CTNND1: variants seen among roughly 807,000 people sequenced by gnomAD.
CTNND1 encodes the protein catenin delta-1.
Under a neutral mutation model 112.1 loss-of-function variants are expected in CTNND1, and 16 were observed. The ratio of observed to expected loss-of-function variants is 0.14; its 90% CI spans 0.10 to 0.22. CTNND1 has a LOEUF of 0.22. Ranked by LOEUF, CTNND1 falls within the 10% of genes least tolerant of loss-of-function variation. The pLI is 1.00. For synonymous variants in CTNND1, 420 were observed against 446.5 expected, an observed-to-expected ratio of 0.94 and a Z score of 0.75; for missense variants, 1,008 against 1,257.0, an observed-to-expected ratio of 0.80 and a Z score of 3.00.
chr11:57,810,247 A>G, intron 16 of CTNND1, 24 bp downstream of exon 16: 1 of 1,534,806 alleles, frequency 6.5e-7, no homozygotes, highest in Non-Finnish European at 8.8e-7. Flanking sequence ...TGAGACCAAG[A>G]CTTTTACTTT....
rs2064060566 is a variant in CTNND1 at position 57,817,874 on chromosome 11, C to T, written c.*1566C>T. On this transcript the variant is annotated 3_prime_UTR_variant, in exon 21 of 21. Coordinates refer to ENST00000399050, the MANE Select transcript of CTNND1 (RefSeq NM_001085458.2). ...ATTTCTAATCCTTTTCCTTATTTGC[C>T]TTCTACTCCCCTTAATCTAATCTAA... 1 of 152,408 alleles carries T rather than the reference C, an allele frequency of 6.6e-6. No individual in the cohort carries two copies. The highest frequency in any genetic ancestry group is 1.5e-5 in the Non-Finnish European group (1 of 68,020). The allele number at this position is 152,408 out of a possible 1,614,324, so 9.4% of individuals were successfully genotyped here.
intron 6 of CTNND1, among the ~76,000 whole-genome samples, chr11:57,800,879 AG>A (rs1240691601): frequency 6.6e-6 from 1 of 152,246 alleles, no homozygotes; most frequent in Non-Finnish European, 1.5e-5. Flanking sequence ...GGTTGTTGGT[AG>A]TACTGAAACA....
intron 1 of CTNND1, among the ~76,000 whole-genome samples, chr11:57,768,935 ACC>A (rs1250431909): frequency 6.6e-6 from 1 of 151,428 alleles, no homozygotes; most frequent in Non-Finnish European, 1.5e-5. Context: ...ATACTTAAGA[ACC>A]CATGAAACTA....
intron 6 of CTNND1, among the ~76,000 whole-genome samples, chr11:57,797,477 C>T (rs1056539916): frequency 1.4e-5 from 2 of 145,956 alleles, no homozygotes; most frequent in East Asian, 2.1e-4. Context: ...GTGATCCACC[C>T]GCCTTGGCCT....
chr11:57,799,675 A>G lies in CTNND1; in HGVS notation c.957-2058A>G, dbSNP rs1000692799. On this transcript the variant is annotated intron_variant, in intron 6 of 20. Transcript: ENST00000399050. ...AAACAAAGGAAAGAATGTCCAATCC[A>G]CTGCCTTTGTATAGAAAAGGATATA... 2.0e-5 allele frequency among the ~76,000 whole-genome samples: 3 copies of G among 152,214 alleles called. No homozygotes were observed. The South Asian group carries it at 6.2e-4, about 31-fold the overall frequency.
At chr11:57,769,883 T>G (rs1952116651) in intron 1 of CTNND1, among the ~76,000 whole-genome samples, 1 of 152,198 alleles carries the variant, frequency 6.6e-6, no homozygotes, top group South Asian at 2.1e-4. Flanking sequence ...CATCTGCATT[T>G]CTTGATTAAT....
intron 19 of CTNND1, 174 bp from the exon 20 acceptor site, chr11:57,815,738 TCTA>T: frequency 1.3e-6 from 1 of 771,642 alleles, no homozygotes; most frequent in Non-Finnish European, 2.3e-6. Flanking sequence ...CACTAACTGA[TCTA>T]CTTTCAAACA....
At chr11:57,789,181 G>A in intron 2 of CTNND1, 26 bp downstream of exon 2, 1 of 1,364,286 alleles carries the variant, frequency 7.3e-7, no homozygotes, top group South Asian at 1.5e-5. Context: ...TGTTTATTAA[G>A]AAGGAAAAAT....
At chr11:57,765,460 ATTTTTTTTT>A (rs5792061) in intron 1 of CTNND1, among the ~76,000 whole-genome samples, 9 of 105,590 alleles carry the variant, frequency 8.5e-5, no homozygotes, top group East Asian at 2.9e-4. Context: ...TCCTCCCTTA[ATTTTTTTTT>A]TTTTTTTTTT....
chr11:57,809,223 C>G, intron 14 of CTNND1, 51 bp from the exon 15 acceptor site: 1 of 1,402,688 alleles, frequency 7.1e-7, no homozygotes, highest in Non-Finnish European at 1.0e-6. Flanking sequence ...ATGTAAGGCT[C>G]TTCATGACCT....
chr11:57,765,406 T>C (rs569019483), intron 1 of CTNND1, among the ~76,000 whole-genome samples: 5 of 152,254 alleles, frequency 3.3e-5, no homozygotes, highest in Non-Finnish European at 7.4e-5. Flanking sequence ...CAATGTACTT[T>C]TGCAACTTTT....
chr11:57,776,552 C>G (rs1297825280), intron 1 of CTNND1, among the ~76,000 whole-genome samples: 1 of 152,162 alleles, frequency 6.6e-6, no homozygotes, highest in Non-Finnish European at 1.5e-5. Flanking sequence ...AAAACAGATT[C>G]ATCCTTCCTA....
At chr11:57,807,563 G>A (rs1459873694) in intron 12 of CTNND1, among the ~76,000 whole-genome samples, 2 of 125,826 alleles carry the variant, frequency 1.6e-5, no homozygotes, top group Non-Finnish European at 3.1e-5. Context: ...CCAAGATCGC[G>A]CCACTGCACT....
chr11:57,776,775 T>C (rs1444723477), intron 1 of CTNND1, among the ~76,000 whole-genome samples: 1 of 152,192 alleles, frequency 6.6e-6, no homozygotes, highest in Non-Finnish European at 1.5e-5. Flanking sequence ...TATTTCTGAG[T>C]CAGCACTCCT....
intron 1 of CTNND1, among the ~76,000 whole-genome samples, chr11:57,765,753 C>T (rs1411322716): frequency 1.3e-5 from 2 of 152,080 alleles, no homozygotes; most frequent in Non-Finnish European, 2.9e-5. Flanking sequence ...TAGGTGTGCC[C>T]CACCACACCT....
chr11:57,777,575 CT>C (rs1207677904), intron 1 of CTNND1, among the ~76,000 whole-genome samples: 2 of 152,214 alleles, frequency 1.3e-5, no homozygotes, highest in Non-Finnish European at 2.9e-5. Flanking sequence ...AGGCCAAGGA[CT>C]AAATCCTTCT....
chr11:57,787,520 T>C (rs1418970613), intron 1 of CTNND1, among the ~76,000 whole-genome samples: 1 of 152,252 alleles, frequency 6.6e-6, no homozygotes, highest in African/African-American at 2.4e-5. Context: ...AACTCTGAGT[T>C]AGACCGGGCT....
chr11:57,770,351 A>AG (rs1422681043), intron 1 of CTNND1, among the ~76,000 whole-genome samples: 1 of 151,406 alleles, frequency 6.6e-6, no homozygotes, highest in Non-Finnish European at 1.5e-5. Context: ...ATAAAAAAAA[A>AG]AAAGAAAGAT....
At chr11:57,780,194 C>T (rs1331753326) in intron 1 of CTNND1, among the ~76,000 whole-genome samples, 1 of 151,828 alleles carries the variant, frequency 6.6e-6, no homozygotes, top group Non-Finnish European at 1.5e-5. Context: ...GCTGGAACTA[C>T]AGGCACATGC....
Sources: gnomAD v4.1 joint callset for allele counts (sites outside exome capture counted in the v4.1 genomes callset) on GRCh38, gnomAD v4.1.1 for gene constraint, MANE v1.5 for transcripts, NCBI Gene and HGNC (gene_info 2026-07-23, HGNC 2026-07-21) for gene names.